FRY: variants seen among roughly 807,000 people sequenced by gnomAD.
FRY encodes the protein FRY microtubule binding protein.
In FRY, 128 loss-of-function variants were observed where a neutral mutation model predicts 348.4. The observed-to-expected ratio is 0.37, with a 90% CI of 0.32 to 0.43. The LOEUF is 0.43. Among genes scored for constraint, FRY ranks in the 20% least tolerant of loss-of-function variants. The pLI is 1.00. For missense variants in FRY, 2,736 were observed against 3,695.2 expected (o/e 0.74, Z 6.73); for synonymous variants, 1,370 against 1,374.7 (o/e 1.00, Z 0.08).
intron 2 of FRY, among the ~76,000 whole-genome samples, chr13:32,085,353 A>G (rs1055640164): frequency 6.6e-6 from 1 of 152,218 alleles, no homozygotes; most frequent in Non-Finnish European, 1.5e-5. Flanking sequence ...AGCTCTTTCC[A>G]AAAACAAGAC....
In FRY at chr13:32,199,495, G is replaced by A. The variant is rs1487634388; in HGVS notation, c.3747-2446G>A. ...ATTGAAGGAGTATTTTGATGCAAAT[G>A]TCTGTATATAGACTTGGAAGACAGC... On this transcript the variant is annotated intron_variant, in intron 29 of 60. Coordinates refer to ENST00000542859, the MANE Select transcript of FRY (RefSeq NM_023037.3). Among the ~76,000 whole-genome samples, 3 of 152,202 alleles carry A rather than the reference G, an allele frequency of 2.0e-5. No individual in the cohort carries two copies. The East Asian group carries it at 5.8e-4, about 29-fold the overall frequency.
chr13:32,262,181 G>A (rs913881571), intron 52 of FRY, 133 bp from the exon 53 acceptor site: 2 of 738,070 alleles, frequency 2.7e-6, no homozygotes, highest in Admixed American at 4.1e-5. Flanking sequence ...TAGCTGCTAT[G>A]TTTAAGGCCC....
intron 40 of FRY, among the ~76,000 whole-genome samples, chr13:32,229,510 A>G (rs755913502): frequency 2.6e-5 from 4 of 152,220 alleles, no homozygotes; most frequent in Non-Finnish European, 5.9e-5. Context: ...GTGGGATTTA[A>G]TGTGCAGGAA....
intron 11 of FRY, among the ~76,000 whole-genome samples, chr13:32,144,989 C>T (rs887622324): frequency 6.6e-6 from 1 of 152,154 alleles, no homozygotes. Flanking sequence ...AAGGAGAGGA[C>T]ATCCAAGCCC....
intron 29 of FRY, among the ~76,000 whole-genome samples, chr13:32,201,708 T>G (rs1884040663): frequency 6.6e-6 from 1 of 152,230 alleles, no homozygotes; most frequent in Non-Finnish European, 1.5e-5. Context: ...GATAGACTTT[T>G]GTGTTCTTTT....
chr13:32,124,036 C>G (rs1388762469), intron 4 of FRY, among the ~76,000 whole-genome samples: 1 of 152,122 alleles, frequency 6.6e-6, no homozygotes, highest in East Asian at 1.9e-4. Context: ...CGGGGTTTCA[C>G]CATGTGGGCC....
chr13:32,286,638 T>C (rs991146844), intron 58 of FRY, among the ~76,000 whole-genome samples: 2 of 149,974 alleles, frequency 1.3e-5, no homozygotes, highest in African/African-American at 2.5e-5. Context: ...CCCAGCTACA[T>C]TGGGAGGCTG....
At position 32,296,564 on chromosome 13, in the gene FRY, T is replaced by G. The variant is rs1300064110; in HGVS notation, c.*1104T>G. On this transcript the variant is annotated 3_prime_UTR_variant, in exon 61 of 61. Transcript: ENST00000542859. ...TTCACTCTGTAAATACATTTAAAGT[T>G]TTTGTGATGTAAGCTTAATTGATAT... The G allele has an allele frequency of 1.3e-5, 2 of 152,430 alleles. No individual in the cohort carries two copies. Among genetic ancestry groups the G allele is most frequent in the African/African-American group, 2.4e-5 (1 of 41,372 alleles). 9.4% of individuals were successfully genotyped at this position (152,430 alleles called of 1,614,324 possible). A position where few individuals can be genotyped will look rare whatever the true frequency, so the allele number is the denominator to read the frequency against.
At chr13:32,262,094 T>A (rs1887679626) in intron 52 of FRY, among the ~76,000 whole-genome samples, 1 of 152,216 alleles carries the variant, frequency 6.6e-6, no homozygotes, top group Non-Finnish European at 1.5e-5. Flanking sequence ...GGAATCTTTT[T>A]AAAAATTCCC....
At chr13:32,258,435 A>G (rs923069974) in intron 51 of FRY, among the ~76,000 whole-genome samples, 2 of 152,192 alleles carry the variant, frequency 1.3e-5, no homozygotes, top group Non-Finnish European at 2.9e-5. Flanking sequence ...CAACATGGCG[A>G]AACCCTGTCT....
intron 39 of FRY, 129 bp from the exon 40 acceptor site, chr13:32,228,327 G>A (rs1393018882): frequency 2.0e-5 from 16 of 799,758 alleles, no homozygotes; most frequent in Admixed American, 1.2e-4. Context: ...AGCCACAGCC[G>A]AAAGCAACCA....
chr13:32,198,089 G>T (rs926944905), intron 29 of FRY, among the ~76,000 whole-genome samples: 19 of 151,802 alleles, frequency 1.3e-4, no homozygotes, highest in African/African-American at 3.9e-4. Flanking sequence ...TCCTCCTCTG[G>T]GTTTCTTTCA....
intron 1 of FRY, 136 bp from the exon 2 acceptor site, chr13:32,078,698 G>T (rs971292756): frequency 2.6e-6 from 2 of 763,584 alleles, no homozygotes; most frequent in Admixed American, 1.9e-5. Context: ...CATTTCCAAA[G>T]AATAAGGCCA....
At chr13:32,033,847 TC>T (rs1428932860) in intron 1 of FRY, among the ~76,000 whole-genome samples, 1 of 152,246 alleles carries the variant, frequency 6.6e-6, no homozygotes, top group Non-Finnish European at 1.5e-5. Flanking sequence ...TTGTTTATCT[TC>T]TTTAAGCTTG....
chr13:32,193,645 G>A (rs545151494), intron 28 of FRY, among the ~76,000 whole-genome samples: 34 of 147,252 alleles, frequency 2.3e-4, no homozygotes, highest in African/African-American at 8.4e-4. Flanking sequence ...GAGTGCAATG[G>A]CACGATCTCA....
Position 32,239,943 on chromosome 13 carries a change from A to G in FRY, c.6687+62A>G. 2 of 1,446,848 alleles carry G rather than the reference A, an allele frequency of 1.4e-6. No homozygotes were observed. Among genetic ancestry groups the G allele is most frequent in the South Asian group, 1.2e-5 (1 of 84,558 alleles). 89.6% of individuals were successfully genotyped at this position (1,446,848 alleles called of 1,614,324 possible). On this transcript the variant is annotated intron_variant, in intron 46 of 60. Coordinates refer to ENST00000542859, the MANE Select transcript of FRY (RefSeq NM_023037.3). This position sits in a 1 kb window ranked among gnomAD's most constrained non-coding sequence, Gnocchi z 4.3. ...CATTATGTTGCCCAGGCTGATCTCA[A>G]CTCTTGGGCTCAAGCAGTCCTCCTG...
chr13:32,191,799 G>A (rs1188444848), intron 28 of FRY, among the ~76,000 whole-genome samples: 1 of 152,010 alleles, frequency 6.6e-6, no homozygotes, highest in Non-Finnish European at 1.5e-5. Flanking sequence ...CATTCACAGG[G>A]CTCCCCACCT....
At chr13:32,191,075 C>T (rs1883306582) in intron 28 of FRY, among the ~76,000 whole-genome samples, 1 of 151,788 alleles carries the variant, frequency 6.6e-6, no homozygotes, top group Non-Finnish European at 1.5e-5. Flanking sequence ...GGTTTTTTTC[C>T]AATAAGTAAT....
intron 2 of FRY, among the ~76,000 whole-genome samples, chr13:32,081,470 G>A (rs555308347): frequency 1.3e-5 from 2 of 152,130 alleles, no homozygotes; most frequent in South Asian, 2.1e-4. Context: ...GACTATAAGC[G>A]TGCACCACCA....
Sources: gnomAD v4.1 joint callset for allele counts (sites outside exome capture counted in the v4.1 genomes callset) on GRCh38, gnomAD v4.1.1 for gene constraint, Gnocchi (gnomAD v3.1) non-coding constraint, MANE v1.5 for transcripts, NCBI Gene and HGNC (gene_info 2026-07-23, HGNC 2026-07-21) for gene names.